The following ATXN2 variants were observed in gnomAD, a reference collection of about 807,000 sequenced individuals.
ATXN2 encodes the protein ataxin-2.
In ATXN2, 37 loss-of-function variants were observed where a neutral mutation model predicts 138.6. The ratio of observed to expected loss-of-function variants is 0.27; its 90% CI spans 0.21 to 0.35. ATXN2 has a LOEUF of 0.35. ATXN2 is among the 10% of genes least tolerant of loss of function. The pLI is 1.00. For missense variants in ATXN2, 1,216 were observed against 1,480.3 expected, an observed-to-expected ratio of 0.82 and a Z score of 2.93; for synonymous variants, 549 against 543.7, an observed-to-expected ratio of 1.01 and a Z score of -0.13.
chr12:111,599,413 C>A, upstream of ATXN2: 1 of 1,173,482 alleles, frequency 8.5e-7, no homozygotes, highest in South Asian at 4.2e-5. Flanking sequence ...TCCGCCGCGC[C>A]GGCCGCTGGA....
At chr12:111,484,430 TTTTG>T (rs199755294) in intron 18 of ATXN2, among the ~76,000 whole-genome samples, 13 of 151,920 alleles carry the variant, frequency 8.6e-5, no homozygotes, top group Non-Finnish European at 1.5e-4. Context: ...TTTGTTTGTT[TTTTG>T]TTTGTTTGTT....
intron 1 of ATXN2, among the ~76,000 whole-genome samples, chr12:111,582,264 T>A (rs1884047250): frequency 6.6e-6 from 1 of 151,820 alleles, no homozygotes; most frequent in African/African-American, 2.4e-5. Context: ...GGCAACATGG[T>A]AAGACCCTGT....
At chr12:111,509,031 C>A (rs1410954780) in intron 14 of ATXN2, among the ~76,000 whole-genome samples, 1 of 151,980 alleles carries the variant, frequency 6.6e-6, no homozygotes, top group Non-Finnish European at 1.5e-5. Context: ...CAAAATCTAC[C>A]TCGATACCTA....
Position 111,457,226 on chromosome 12 carries a change from G to A in ATXN2, c.3030C>T (p.Pro1010=). The change falls in exon 22 of 25, where the codon CCC becomes CCT. Residue 1010 remains proline, a synonymous_variant. Transcript: ENST00000673436. Reference sequence around the variant, plus strand: ...GAGTTGCCCTTACCTGAACAGGACTGGGTGCAGGATGACTTCCACCATGTT... The same window carrying A: ...GAGTTGCCCTTACCTGAACAGGACTAGGTGCAGGATGACTTCCACCATGTT... ...QSQHGGSHPA[P]SPVQHHQHQA... is the part of the protein sequence containing the mutation. The A allele has an allele frequency of 6.2e-7, 1 of 1,613,788 alleles. No homozygotes were observed. The highest frequency in any genetic ancestry group is 1.1e-5 in the South Asian group (1 of 91,040).
intron 5 of ATXN2, among the ~76,000 whole-genome samples, chr12:111,530,753 G>T (rs900871351): frequency 6.6e-5 from 10 of 152,104 alleles, no homozygotes; most frequent in African/African-American, 2.4e-4. Context: ...GGCAGAGCTT[G>T]CAGTGAGCAG....
rs4353328 is a variant in ATXN2, at chr12:111,490,690, C to T, written c.1936-1910G>A. ...GATCACAGTACCCAGTTTTGACATC[C>T]TATCAAGGAAAAAGACACCAAAAAA... On this transcript the variant is annotated intron_variant, in intron 14 of 24. Coordinates refer to ENST00000673436, the MANE Select transcript of ATXN2 (RefSeq NM_001372574.1). Among the ~76,000 whole-genome samples, 5,522 of 152,104 alleles carry T rather than the reference C, an allele frequency of 0.036. 981 individuals are homozygous for T. In the East Asian group the frequency reaches 0.57, roughly 16 times the overall value.
At chr12:111,500,195 G>A (rs1032305718) in intron 14 of ATXN2, among the ~76,000 whole-genome samples, 5 of 152,200 alleles carry the variant, frequency 3.3e-5, no homozygotes, top group African/African-American at 9.7e-5. Flanking sequence ...CAACAGCCAA[G>A]ATTTGGAATC....
intron 1 of ATXN2, among the ~76,000 whole-genome samples, chr12:111,594,677 G>C (rs1884846402): frequency 6.6e-6 from 1 of 152,020 alleles, no homozygotes; most frequent in Non-Finnish European, 1.5e-5. Flanking sequence ...ATTTTTAATG[G>C]GGAAGGGAAT....
chr12:111,581,969 G>C (rs542778044), intron 1 of ATXN2, among the ~76,000 whole-genome samples: 79 of 150,680 alleles, frequency 5.2e-4, no homozygotes, highest in South Asian at 1.0e-3. Context: ...AAAAACACCA[G>C]AGCCATTCCA....
intron 1 of ATXN2, among the ~76,000 whole-genome samples, chr12:111,588,235 T>C (rs1444748880): frequency 6.8e-6 from 1 of 147,564 alleles, no homozygotes; most frequent in East Asian, 1.9e-4. Flanking sequence ...CAAATTGACA[T>C]TGTAAAGTCA....
chr12:111,581,420 G>A (rs991035852), intron 1 of ATXN2: 12 of 738,734 alleles, frequency 1.6e-5, no homozygotes, highest in Middle Eastern at 4.9e-4. Flanking sequence ...TGCCAACATC[G>A]GCCATCCCCC....
chr12:111,494,074 C>T (rs1878244395), intron 14 of ATXN2, among the ~76,000 whole-genome samples: 1 of 151,812 alleles, frequency 6.6e-6, no homozygotes, highest in Admixed American at 6.6e-5. Flanking sequence ...GGATTACAGG[C>T]ACCCGCCACC....
At chr12:111,493,785 C>T (rs933395396) in intron 14 of ATXN2, among the ~76,000 whole-genome samples, 3 of 151,218 alleles carry the variant, frequency 2.0e-5, no homozygotes, top group Admixed American at 1.3e-4. Context: ...CGTGCCACCA[C>T]GCCTGGCTAA....
In ATXN2 at chr12:111,552,371, T is replaced by C. The variant is rs754564637; in HGVS notation, c.480A>G (p.Lys160=). Residue 160 remains lysine, a synonymous_variant, in exon 5 of 25, where the codon AAA becomes AAG. Transcript: ENST00000673436. The surrounding 1 kb of genome is among the most constrained non-coding windows in gnomAD (Gnocchi z 4.1). Reference sequence around the variant, plus strand: ...AAATACTCTCCATTATTTCTTCACGTTTCGGCCCCGAACTGGATTCTGTAC... The same window carrying C: ...AAATACTCTCCATTATTTCTTCACGCTTCGGCCCCGAACTGGATTCTGTAC... ...EKSTESSSGP[K]REEIMESILF... is the part of the protein sequence containing the mutation. 1.7e-5 allele frequency: 27 copies of C among 1,613,828 alleles called. No individual in the cohort carries two copies. In the South Asian group the frequency reaches 2.5e-4, roughly 15 times the overall value.
At chr12:111,536,476 T>A (rs616668) in intron 5 of ATXN2, among the ~76,000 whole-genome samples, 1 of 151,846 alleles carries the variant, frequency 6.6e-6, no homozygotes, top group Non-Finnish European at 1.5e-5. Flanking sequence ...GTGAAAAACA[T>A]AAGAAACCTC....
chr12:111,585,700 A>C, intron 1 of ATXN2, among the ~76,000 whole-genome samples: 1 of 147,882 alleles, frequency 6.8e-6, no homozygotes, highest in East Asian at 2.1e-4. Context: ...GCTACTCAGG[A>C]GTCAGGCAGG....
intron 20 of ATXN2, among the ~76,000 whole-genome samples, chr12:111,467,733 ATGGACTTTGGGGTCTAAGGCCCCAC>A: frequency 6.6e-6 from 1 of 152,212 alleles, no homozygotes; most frequent in Non-Finnish European, 1.5e-5. Flanking sequence ...CCACACATAA[ATGGACTTTGGGGTCTAAGGCCCCAC>A]TGCTCTTCAA....
chr12:111,499,065 G>T (rs7970627), intron 14 of ATXN2, among the ~76,000 whole-genome samples: 15,460 of 152,066 alleles, frequency 0.1, 2,643 homozygotes, highest in African/African-American at 0.35. Flanking sequence ...ATGGACTAAA[G>T]ATTTAAATCT....
intron 21 of ATXN2, 73 bp from the exon 22 acceptor site, chr12:111,457,432 A>C: frequency 6.7e-7 from 1 of 1,496,524 alleles, no homozygotes; most frequent in Non-Finnish European, 9.0e-7. Context: ...ACACTTCATC[A>C]ACTGAACTTT....
Sources: gnomAD v4.1 joint callset for allele counts (sites outside exome capture counted in the v4.1 genomes callset) on GRCh38, gnomAD v4.1.1 for gene constraint, Gnocchi (gnomAD v3.1) non-coding constraint, MANE v1.5 for transcripts, NCBI Gene and HGNC (gene_info 2026-07-23, HGNC 2026-07-21) for gene names.